The following PPP1R12A variants were observed in gnomAD, a reference collection of about 807,000 sequenced individuals.
PPP1R12A encodes the protein myosin binding subunit.
PPP1R12A carries 19 observed loss-of-function variants against 139.6 expected under a neutral mutation model. That is an observed-to-expected ratio of 0.14 (90% CI 0.09 to 0.20). The LOEUF (loss-of-function observed/expected upper bound fraction) is 0.20, where lower values mean the gene tolerates loss of function less well. PPP1R12A is among the 10% of genes least tolerant of loss of function. The probability of loss-of-function intolerance (pLI) is 1.00; values close to 1 mark genes in which losing one functional copy is unlikely to be tolerated. For synonymous variants in PPP1R12A, 427 were observed against 420.6 expected (o/e 1.02, Z -0.19); for missense variants, 925 against 1,211.5 (o/e 0.76, Z 3.51).
chr12:79,797,053 C>A, intron 16 of PPP1R12A, 103 bp from the exon 17 acceptor site: 2 of 1,385,198 alleles, frequency 1.4e-6, no homozygotes, highest in Admixed American at 2.3e-5. Context: ...ATACTAATCA[C>A]GCCAAAGTAA....
chr12:79,915,852 G>A (rs369693783), intron 1 of PPP1R12A, among the ~76,000 whole-genome samples: 37 of 152,120 alleles, frequency 2.4e-4, no homozygotes, highest in African/African-American at 8.7e-4. Context: ...AGCTATTAGT[G>A]AGCCTAATCC....
intron 1 of PPP1R12A, among the ~76,000 whole-genome samples, chr12:79,922,277 A>G (rs1357384569): frequency 6.6e-6 from 1 of 152,192 alleles, no homozygotes; most frequent in African/African-American, 2.4e-5. Flanking sequence ...AAAACAAAAA[A>G]AACAATAAAT....
At chr12:79,933,368 A>G (rs1280013846) in intron 1 of PPP1R12A, among the ~76,000 whole-genome samples, 1 of 152,224 alleles carries the variant, frequency 6.6e-6, no homozygotes, top group Non-Finnish European at 1.5e-5. Context: ...AAGCAGGACA[A>G]GGAAAAATGT....
intron 1 of PPP1R12A, among the ~76,000 whole-genome samples, chr12:79,920,316 T>C (rs1254572587): frequency 1.3e-5 from 2 of 152,250 alleles, no homozygotes; most frequent in African/African-American, 2.4e-5. Flanking sequence ...AATGCTGCCA[T>C]GAACATTACT....
At chr12:79,904,408 C>G (rs1225332732) in intron 1 of PPP1R12A, among the ~76,000 whole-genome samples, 1 of 152,116 alleles carries the variant, frequency 6.6e-6, no homozygotes, top group Non-Finnish European at 1.5e-5. Flanking sequence ...ATGTGCCCCA[C>G]TACCTAACAA....
At chr12:79,828,509 T>TA (rs1270168533) in intron 4 of PPP1R12A, 45 bp from the exon 5 acceptor site, 4 of 1,407,924 alleles carry the variant, frequency 2.8e-6, no homozygotes, top group Non-Finnish European at 3.8e-6. Context: ...AATCTAGAAA[T>TA]AAATGATCAT....
chr12:79,917,297 CA>C (rs1887073178), intron 1 of PPP1R12A, among the ~76,000 whole-genome samples: 2 of 151,802 alleles, frequency 1.3e-5, no homozygotes, highest in Admixed American at 1.3e-4. Flanking sequence ...CCAGCCTGAC[CA>C]ACATGGTGAA....
intron 20 of PPP1R12A, among the ~76,000 whole-genome samples, chr12:79,789,239 T>C (rs1871499700): frequency 6.6e-6 from 1 of 152,172 alleles, no homozygotes; most frequent in South Asian, 2.1e-4. Flanking sequence ...CAGCCTATTT[T>C]TTTAATACTA....
chr12:79,854,484 C>T (rs942396904), intron 2 of PPP1R12A, among the ~76,000 whole-genome samples: 2 of 152,016 alleles, frequency 1.3e-5, no homozygotes, highest in African/African-American at 2.4e-5. Flanking sequence ...CTCTTTAGAT[C>T]CCTTAATAAG....
intron 4 of PPP1R12A, among the ~76,000 whole-genome samples, chr12:79,829,840 A>T (rs1877207574): frequency 6.6e-6 from 1 of 151,992 alleles, no homozygotes; most frequent in African/African-American, 2.4e-5. Context: ...AAAGAGGTAA[A>T]TTTTTTCAAC....
intron 19 of PPP1R12A, among the ~76,000 whole-genome samples, 186 bp from the exon 20 acceptor site, chr12:79,790,669 T>C (rs1039077607): frequency 6.6e-6 from 1 of 152,176 alleles, no homozygotes; most frequent in Non-Finnish European, 1.5e-5. Flanking sequence ...TCTAGCTATA[T>C]ACCTTTAAGG....
intron 12 of PPP1R12A, among the ~76,000 whole-genome samples, chr12:79,806,654 G>A (rs1873874172): frequency 6.6e-6 from 1 of 152,204 alleles, no homozygotes; most frequent in African/African-American, 2.4e-5. Context: ...CTTTGGTTTT[G>A]TATTACCCAG....
intron 9 of PPP1R12A, among the ~76,000 whole-genome samples, chr12:79,813,135 T>TG (rs1874820352): frequency 6.6e-6 from 1 of 152,224 alleles, no homozygotes; most frequent in African/African-American, 2.4e-5. Flanking sequence ...ATCCTACAGT[T>TG]GAAGACATCC....
intron 22 of PPP1R12A, among the ~76,000 whole-genome samples, chr12:79,783,260 C>T (rs1051675083): frequency 2.0e-5 from 3 of 147,654 alleles, no homozygotes; most frequent in African/African-American, 5.1e-5. Flanking sequence ...GAGTTCAAGA[C>T]CAGCCTGGGC....
intron 19 of PPP1R12A, among the ~76,000 whole-genome samples, chr12:79,791,023 T>A (rs1871780170): frequency 6.6e-6 from 1 of 152,186 alleles, no homozygotes; most frequent in East Asian, 1.9e-4. Context: ...GTCTGTAAAT[T>A]TCCTCTGCAA....
intron 1 of PPP1R12A, chr12:79,878,389 G>A (rs1883319393): frequency 6.6e-6 from 1 of 152,042 alleles, no homozygotes; most frequent in Non-Finnish European, 1.5e-5. Flanking sequence ...GATTAGATGA[G>A]ATCAGGTGTT....
chr12:79,909,092 T>C (rs1473519420), intron 1 of PPP1R12A, among the ~76,000 whole-genome samples: 5 of 152,150 alleles, frequency 3.3e-5, no homozygotes, highest in Non-Finnish European at 2.9e-5. Context: ...CACTATGGCA[T>C]AGCGTTTGTG....
At chr12:79,824,014 T>A (rs1876465189) in intron 5 of PPP1R12A, 1 of 152,222 alleles carries the variant, frequency 6.6e-6, no homozygotes, top group African/African-American at 2.4e-5. Flanking sequence ...GTCTTACCAG[T>A]AGGAATTTAA....
intron 1 of PPP1R12A, among the ~76,000 whole-genome samples, chr12:79,926,030 G>A (rs963133464): frequency 1.3e-5 from 2 of 151,862 alleles, no homozygotes; most frequent in Non-Finnish European, 2.9e-5. Context: ...CAAAGTGCTG[G>A]GATTACAGGT....
Sources: allele counts gnomAD v4.1 joint callset (sites outside exome capture counted in the v4.1 genomes callset), GRCh38; gene constraint gnomAD v4.1.1; transcripts MANE v1.5; gene names NCBI Gene and HGNC (gene_info 2026-07-23, HGNC 2026-07-21).